The following LIMS1 variants were observed in gnomAD, a reference collection of about 807,000 sequenced individuals.
LIMS1 encodes the protein LIM zinc finger domain containing 1.
Under a neutral mutation model 44.1 loss-of-function variants are expected in LIMS1, and 18 were observed. The ratio of observed to expected loss-of-function variants is 0.41; its 90% CI spans 0.28 to 0.61. The LOEUF is 0.61. Ranked by LOEUF, LIMS1 falls within the 20% of genes least tolerant of loss-of-function variation. The probability of loss-of-function intolerance (pLI) is 0.32; values close to 1 mark genes in which losing one functional copy is unlikely to be tolerated. For synonymous variants in LIMS1, 93 were observed against 149.1 expected (o/e 0.62, Z 2.74); for missense variants, 201 against 422.0 (o/e 0.48, Z 4.59).
chr2:108,621,929 A>G (rs183548691), intron 1 of LIMS1, among the ~76,000 whole-genome samples: 4 of 152,180 alleles, frequency 2.6e-5, no homozygotes, highest in African/African-American at 9.7e-5. Flanking sequence ...GAACTATTCA[A>G]TGTAGCCTAG....
intron 1 of LIMS1, among the ~76,000 whole-genome samples, chr2:108,651,212 AAGT>A (rs1162362221): frequency 6.6e-6 from 1 of 152,138 alleles, no homozygotes; most frequent in Non-Finnish European, 1.5e-5. Context: ...GTTTCAGTGT[AAGT>A]AGCTTGGGTA....
At chr2:108,545,241 T>C (rs1684444916) in intron 1 of LIMS1, among the ~76,000 whole-genome samples, 1 of 152,226 alleles carries the variant, frequency 6.6e-6, no homozygotes, top group Non-Finnish European at 1.5e-5. Context: ...TCAGGGTATA[T>C]GGTTTAACAT....
At chr2:108,542,380 C>T (rs1684342884) in intron 1 of LIMS1, among the ~76,000 whole-genome samples, 1 of 152,134 alleles carries the variant, frequency 6.6e-6, no homozygotes, top group Admixed American at 6.5e-5. Flanking sequence ...ATAATCTTAC[C>T]ATCACAGCCA....
chr2:108,539,826 T>C (rs192014206), intron 1 of LIMS1, among the ~76,000 whole-genome samples: 2 of 152,330 alleles, frequency 1.3e-5, no homozygotes, highest in East Asian at 1.9e-4. Flanking sequence ...TCCGGACTTA[T>C]ACTGCTGCTA....
intron 1 of LIMS1, among the ~76,000 whole-genome samples, chr2:108,623,064 T>A (rs1688346406): frequency 6.6e-6 from 1 of 151,556 alleles, no homozygotes; most frequent in Admixed American, 6.6e-5. Context: ...AAGAGAAATA[T>A]TTTGTCACCC....
exon 10 of LIMS1, chr2:108,684,390 A>G (rs565391401): frequency 6.6e-6 from 1 of 152,444 alleles, no homozygotes; most frequent in South Asian, 2.1e-4. Context: ...GAAAATTCCA[A>G]CTGCTGTTGG....
At chr2:108,675,472 A>C (rs953073019) in intron 5 of LIMS1, among the ~76,000 whole-genome samples, 30 of 152,236 alleles carry the variant, frequency 2.0e-4, no homozygotes, top group African/African-American at 6.5e-4. Context: ...AACACCTCAG[A>C]ATTGGGGATC....
chr2:108,642,108 G>A (rs1331691243), intron 1 of LIMS1, among the ~76,000 whole-genome samples: 1 of 152,156 alleles, frequency 6.6e-6, no homozygotes. Context: ...GCTTCATCTA[G>A]TAGTTGTTAT....
At position 108,675,852 on chromosome 2, in the gene LIMS1, A is replaced by T. The variant is rs775489779; in HGVS notation, c.531-26A>T. On this transcript the variant is annotated intron_variant, in intron 5 of 9. Coordinates refer to ENST00000544547, the Ensembl canonical transcript of LIMS1. ...TTGGCCACTTTTCTCTCTTAGTATT[A>T]AGCTGTGTGTCTTTCTCACGGACAG... is the stretch of plus-strand genomic sequence containing the variant. The T allele has an allele frequency of 3.7e-6, 6 of 1,613,868 alleles. No individual in the cohort carries two copies. In the Admixed American group the frequency reaches 8.3e-5, roughly 22 times the overall value.
At chr2:108,566,886 T>C (rs758878229) in intron 1 of LIMS1, among the ~76,000 whole-genome samples, 5 of 152,162 alleles carry the variant, frequency 3.3e-5, no homozygotes, top group Non-Finnish European at 5.9e-5. Context: ...TGTGAGCTAC[T>C]GCACCTGGCC....
chr2:108,630,242 C>T (rs898493018), intron 1 of LIMS1, among the ~76,000 whole-genome samples: 1 of 151,368 alleles, frequency 6.6e-6, no homozygotes, highest in African/African-American at 2.4e-5. Flanking sequence ...AGAAGACAGC[C>T]TGCCTCACTT....
At chr2:108,670,692 A>T (rs1038098085) in intron 2 of LIMS1, 89 bp from the exon 3 acceptor site, 60 of 1,265,976 alleles carry the variant, frequency 4.7e-5, no homozygotes, top group South Asian at 1.3e-4. Context: ...CTTAGTTTAG[A>T]AACATCTTTC....
At chr2:108,645,089 TAGG>T (rs1689970678) in intron 1 of LIMS1, among the ~76,000 whole-genome samples, 1 of 152,120 alleles carries the variant, frequency 6.6e-6, no homozygotes, top group African/African-American at 2.4e-5. Context: ...GGATATTATC[TAGG>T]AGAACTTCCC....
At chr2:108,553,942 A>G (rs1684839705) in intron 1 of LIMS1, among the ~76,000 whole-genome samples, 1 of 152,234 alleles carries the variant, frequency 6.6e-6, no homozygotes, top group African/African-American at 2.4e-5. Flanking sequence ...GTTTGATGAT[A>G]TAGATAGGCA....
intron 1 of LIMS1, among the ~76,000 whole-genome samples, chr2:108,564,533 C>G (rs1465753339): frequency 6.6e-6 from 1 of 152,090 alleles, no homozygotes; most frequent in Non-Finnish European, 1.5e-5. Flanking sequence ...TTAAAATCCA[C>G]AGAGACCCAA....
intron 1 of LIMS1, among the ~76,000 whole-genome samples, chr2:108,626,745 G>T (rs574909330): frequency 6.6e-6 from 1 of 152,152 alleles, no homozygotes; most frequent in Non-Finnish European, 1.5e-5. Context: ...TTTTATTTAT[G>T]TACAGTATCA....
Position 108,620,369 on chromosome 2 carries a change from T to A in LIMS1, c.33-39236T>A, listed in dbSNP as rs563910837. 2.6e-5 allele frequency among the ~76,000 whole-genome samples: 4 copies of A among 152,330 alleles called. No individual in the cohort carries two copies. In the East Asian group the frequency reaches 7.7e-4, roughly 29 times the overall value. On this transcript the variant is annotated intron_variant, in intron 1 of 9. Coordinates refer to ENST00000544547, the Ensembl canonical transcript of LIMS1. Reference sequence around the variant, plus strand: ...AGAACCATTTAGTCAAACTACTGGCTAAGATCTTGCTGGGAGGTAGCCTGT... The same window carrying A: ...AGAACCATTTAGTCAAACTACTGGCAAAGATCTTGCTGGGAGGTAGCCTGT...
chr2:108,608,537 C>G (rs1687405731), intron 1 of LIMS1, among the ~76,000 whole-genome samples: 3 of 152,176 alleles, frequency 2.0e-5, no homozygotes, highest in Non-Finnish European at 2.9e-5. Context: ...ATCTCTTGAC[C>G]TCATGATCTG....
At chr2:108,544,847 T>C (rs951794952) in intron 1 of LIMS1, among the ~76,000 whole-genome samples, 3 of 152,156 alleles carry the variant, frequency 2.0e-5, no homozygotes, top group Admixed American at 2.0e-4. Flanking sequence ...GCCAATCTTT[T>C]TTCACTCTTC....
Sources: gnomAD v4.1 joint callset for allele counts (sites outside exome capture counted in the v4.1 genomes callset) on GRCh38, gnomAD v4.1.1 for gene constraint, MANE v1.5 for transcripts, NCBI Gene and HGNC (gene_info 2026-07-23, HGNC 2026-07-21) for gene names.